Variants in DOK5 observed in about 807,000 individuals in gnomAD.
DOK5 encodes downstream of tyrosine kinase 5.
A neutral mutation model predicts 43.3 loss-of-function variants in DOK5; 27 were observed. That is an observed-to-expected ratio of 0.62 (90% CI 0.46 to 0.86). The LOEUF (loss-of-function observed/expected upper bound fraction) is 0.86, where lower values mean the gene tolerates loss of function less well. Ranked by LOEUF, DOK5 falls within the 40% of genes least tolerant of loss-of-function variation. The pLI, the probability that DOK5 is intolerant of heterozygous loss-of-function variation, is 0.00. For missense variants in DOK5, 373 were observed against 392.9 expected (o/e 0.95, Z 0.43); for synonymous variants, 146 against 140.1 (o/e 1.04, Z -0.30).
intron 2 of DOK5, among the ~76,000 whole-genome samples, chr20:54,586,578 C>T (rs1985810349): frequency 6.6e-6 from 1 of 152,164 alleles, no homozygotes. Context: ...ACTATTCCTG[C>T]CCTATGTAAC....
At chr20:54,551,135 C>T (rs145237749) in intron 1 of DOK5, among the ~76,000 whole-genome samples, 1 of 152,320 alleles carries the variant, frequency 6.6e-6, no homozygotes, top group Non-Finnish European at 1.5e-5. Flanking sequence ...TTAATTTGCC[C>T]TTCCCTCAGA....
Position 54,650,610 on chromosome 20 carries a change from C to A in DOK5, c.*131C>A. 1.4e-6 allele frequency: 1 copy of A among 728,932 alleles called. No homozygotes were observed. Among genetic ancestry groups the A allele is most frequent in the South Asian group, 1.9e-5 (1 of 51,438 alleles). The allele number at this position is 728,932 out of a possible 1,614,324, so 45.2% of individuals were successfully genotyped here. On this transcript the variant is annotated 3_prime_UTR_variant, in exon 8 of 8. Coordinates refer to ENST00000262593, the MANE Select transcript of DOK5 (RefSeq NM_018431.5). ...TTAAAGTCCTGGCTAATTGTGTGGT[C>A]ATTGGAAAACTCTGCAATACAATAA...
intron 5 of DOK5, among the ~76,000 whole-genome samples, chr20:54,601,993 C>T (rs1386280345): frequency 6.6e-6 from 1 of 152,144 alleles, no homozygotes; most frequent in African/African-American, 2.4e-5. Flanking sequence ...CTCCCAGTCA[C>T]ACACGTTCCA....
intron 1 of DOK5, among the ~76,000 whole-genome samples, chr20:54,481,669 A>T (rs1274929872): frequency 6.6e-6 from 1 of 152,228 alleles, no homozygotes; most frequent in African/African-American, 2.4e-5. Context: ...TGCAGGGCCC[A>T]GCACAGAGTG....
At chr20:54,489,132 T>C (rs1982064158) in intron 1 of DOK5, among the ~76,000 whole-genome samples, 1 of 152,232 alleles carries the variant, frequency 6.6e-6, no homozygotes, top group Non-Finnish European at 1.5e-5. Context: ...CTCATAGTTG[T>C]TTATATATAA....
At chr20:54,638,096 T>C (rs1331626182) in intron 6 of DOK5, among the ~76,000 whole-genome samples, 2 of 133,776 alleles carry the variant, frequency 1.5e-5, no homozygotes, top group Non-Finnish European at 3.1e-5. Flanking sequence ...CATTCCAGCC[T>C]GGGTGACAGA....
intron 1 of DOK5, among the ~76,000 whole-genome samples, chr20:54,483,265 T>C (rs1474308823): frequency 6.6e-6 from 1 of 152,248 alleles, no homozygotes; most frequent in Admixed American, 6.5e-5. Flanking sequence ...ATTAGAAGAC[T>C]AGAAATATTT....
intron 1 of DOK5, among the ~76,000 whole-genome samples, chr20:54,515,461 G>T (rs1983165603): frequency 6.6e-6 from 1 of 152,202 alleles, no homozygotes; most frequent in African/African-American, 2.4e-5. Context: ...CTAATTTGTA[G>T]ATTATCTCAA....
At chr20:54,584,714 CGTGT>C (rs967507215) in intron 2 of DOK5, among the ~76,000 whole-genome samples, 1 of 145,948 alleles carries the variant, frequency 6.9e-6, no homozygotes, top group Non-Finnish European at 1.5e-5. Context: ...AATATGTACT[CGTGT>C]GTGTGTGTAT....
chr20:54,502,588 T>A (rs1053857888), intron 1 of DOK5, among the ~76,000 whole-genome samples: 1 of 152,228 alleles, frequency 6.6e-6, no homozygotes, highest in African/African-American at 2.4e-5. Context: ...TTCAGCCATA[T>A]TTCAAGCATA....
chr20:54,501,323 T>A (rs980688581), intron 1 of DOK5, among the ~76,000 whole-genome samples: 1 of 151,300 alleles, frequency 6.6e-6, no homozygotes, highest in Non-Finnish European at 1.5e-5. Context: ...AAAAATTAGC[T>A]GGGCGTGGTG....
chr20:54,647,303 A>C (rs544916181), intron 7 of DOK5, among the ~76,000 whole-genome samples: 1 of 152,182 alleles, frequency 6.6e-6, no homozygotes, highest in Middle Eastern at 3.4e-3. Flanking sequence ...TCTCGAGTTC[A>C]AGACAAGCTT....
intron 1 of DOK5, among the ~76,000 whole-genome samples, chr20:54,482,945 T>C (rs143923992): frequency 6.6e-6 from 1 of 152,322 alleles, no homozygotes; most frequent in African/African-American, 2.4e-5. Context: ...TAGGGAAATT[T>C]ATGGCCAGAT....
intron 2 of DOK5, among the ~76,000 whole-genome samples, chr20:54,563,512 A>C (rs1984982397): frequency 6.6e-6 from 1 of 152,114 alleles, no homozygotes; most frequent in Non-Finnish European, 1.5e-5. Flanking sequence ...TTCAATAAAT[A>C]TTCTACTGTA....
At chr20:54,542,007 TA>T (rs2146716382) in intron 1 of DOK5, among the ~76,000 whole-genome samples, 1 of 151,916 alleles carries the variant, frequency 6.6e-6, no homozygotes, top group African/African-American at 2.4e-5. Flanking sequence ...TCACCCTATT[TA>T]AAATCACAAT....
At chr20:54,532,924 C>G (rs1983829154) in intron 1 of DOK5, among the ~76,000 whole-genome samples, 1 of 152,152 alleles carries the variant, frequency 6.6e-6, no homozygotes, top group South Asian at 2.1e-4. Context: ...GCTTGATAAA[C>G]AAGTTGATAT....
At chr20:54,584,537 T>C (rs1985739081) in intron 2 of DOK5, among the ~76,000 whole-genome samples, 1 of 151,582 alleles carries the variant, frequency 6.6e-6, no homozygotes, top group African/African-American at 2.4e-5. Flanking sequence ...GTTTTTATAC[T>C]TTTATCTTTT....
At chr20:54,477,835 T>C (rs1416104971) in intron 1 of DOK5, among the ~76,000 whole-genome samples, 1 of 152,208 alleles carries the variant, frequency 6.6e-6, no homozygotes, top group East Asian at 1.9e-4. Context: ...CATGGTAATT[T>C]ATTTGAAAAA....
At chr20:54,597,781 C>A (rs1257494129) in intron 5 of DOK5, among the ~76,000 whole-genome samples, 3 of 152,114 alleles carry the variant, frequency 2.0e-5, no homozygotes, top group Admixed American at 6.5e-5. Flanking sequence ...AGAAGGCTCA[C>A]CTTCTACTGG....
Sources: allele counts gnomAD v4.1 joint callset (sites outside exome capture counted in the v4.1 genomes callset), GRCh38; gene constraint gnomAD v4.1.1; transcripts MANE v1.5; gene names NCBI Gene and HGNC (gene_info 2026-07-23, HGNC 2026-07-21).